MOB3B: variants seen among roughly 807,000 people sequenced by gnomAD.
MOB3B encodes the protein MOB kinase activator 3B.
A neutral mutation model predicts 18.7 loss-of-function variants in MOB3B; 7 were observed. The observed-to-expected ratio is 0.37, with a 90% CI of 0.21 to 0.70. The LOEUF is 0.70. Ranked by LOEUF, MOB3B falls within the 30% of genes least tolerant of loss-of-function variation. The pLI is 0.52. For synonymous variants in MOB3B, 111 were observed against 99.9 expected (o/e 1.11, Z -0.66); for missense variants, 253 against 281.3 (o/e 0.90, Z 0.72).
At chr9:27,401,963 C>A (rs1476967259) in intron 2 of MOB3B, among the ~76,000 whole-genome samples, 1 of 152,132 alleles carries the variant, frequency 6.6e-6, no homozygotes, top group East Asian at 1.9e-4. Flanking sequence ...GCATAATGTG[C>A]AGATATTTCT....
chr9:27,397,235 A>G (rs1172819957), intron 2 of MOB3B: 1 of 152,110 alleles, frequency 6.6e-6, no homozygotes, highest in African/African-American at 2.4e-5. Context: ...CCATAACTCA[A>G]TCGTTCCAAG....
chr9:27,405,795 A>G (rs1423078491), intron 2 of MOB3B, among the ~76,000 whole-genome samples: 7 of 152,222 alleles, frequency 4.6e-5, no homozygotes, highest in Non-Finnish European at 1.0e-4. Context: ...TACATGTGAT[A>G]CATCATACCA....
At chr9:27,419,060 C>CAAA (rs567613310) in intron 2 of MOB3B, among the ~76,000 whole-genome samples, 1,770 of 123,748 alleles carry the variant, frequency 0.014, 44 homozygotes, top group African/African-American at 0.044. Context: ...ACGATAGCTG[C>CAAA]AAAAAAAAAA....
chr9:27,528,446 G>T (rs534900476), intron 1 of MOB3B, among the ~76,000 whole-genome samples: 15 of 152,370 alleles, frequency 9.8e-5, no homozygotes, highest in African/African-American at 3.4e-4. Context: ...CCTGGGCTGA[G>T]ATCTGAGAAA....
intron 1 of MOB3B, among the ~76,000 whole-genome samples, chr9:27,492,042 A>T: frequency 6.6e-6 from 1 of 152,218 alleles, no homozygotes; most frequent in Admixed American, 6.5e-5. Context: ...TGTAGTGAAG[A>T]AGAAAGAATT....
rs191192809 is a variant in MOB3B, at chr9:27,364,101, G to A, written c.419-4865C>T. Among the ~76,000 whole-genome samples, 47 of 152,292 alleles carry A rather than the reference G, an allele frequency of 3.1e-4. No individual in the cohort carries two copies. The East Asian group carries it at 8.1e-3, about 26-fold the overall frequency. ...TGCTTGTGGAAGGAGCTCAAAAAAT[G>A]TTTGTTTTAAAAGAATCCAGCTCAG... On this transcript the variant is annotated intron_variant, in intron 2 of 3. Coordinates refer to ENST00000262244, the MANE Select transcript of MOB3B (RefSeq NM_024761.5).
chr9:27,468,326 C>T (rs979108916), intron 1 of MOB3B, among the ~76,000 whole-genome samples: 1 of 152,178 alleles, frequency 6.6e-6, no homozygotes. Flanking sequence ...TCCCATGCCC[C>T]TGTATGTGGC....
Position 27,370,508 on chromosome 9 carries a change from C to CAAA in MOB3B, c.419-11273_419-11272insTTT, listed in dbSNP as rs761033781. ...GGGCAACAAGAGTGAAACTCCATCT[C>CAAA]AGAAAAAAAAAAAAGAAAAAAAGAG... On this transcript the variant is annotated intron_variant, in intron 2 of 3. Transcript: ENST00000262244. Among the ~76,000 whole-genome samples the CAAA allele has an allele frequency of 5.2e-4, 43 of 82,654 alleles. 2 individuals are homozygous for CAAA. Among genetic ancestry groups the CAAA allele is most frequent in the African/African-American group, 1.1e-3 (22 of 19,412 alleles). 54.2% of individuals were successfully genotyped at this position (82,654 alleles called of 152,430 possible). A position where few individuals can be genotyped will look rare whatever the true frequency, so the allele number is the denominator to read the frequency against.
chr9:27,439,867 C>T (rs889370887), intron 2 of MOB3B, among the ~76,000 whole-genome samples: 3 of 152,108 alleles, frequency 2.0e-5, no homozygotes, highest in Non-Finnish European at 4.4e-5. Context: ...ACATTTGTAA[C>T]CTCTCCGAGG....
At chr9:27,492,850 C>T (rs1819841494) in intron 1 of MOB3B, among the ~76,000 whole-genome samples, 1 of 152,118 alleles carries the variant, frequency 6.6e-6, no homozygotes, top group Admixed American at 6.5e-5. Flanking sequence ...CAAAGCAATC[C>T]TGCATTTAAA....
At chr9:27,338,035 A>C (rs1437665931) in intron 3 of MOB3B, among the ~76,000 whole-genome samples, 2 of 152,116 alleles carry the variant, frequency 1.3e-5, no homozygotes, top group African/African-American at 2.4e-5. Context: ...TGGTGTCCTC[A>C]ACAGCACTGG....
chr9:27,392,827 G>A (rs1466652548), intron 2 of MOB3B, among the ~76,000 whole-genome samples: 1 of 152,192 alleles, frequency 6.6e-6, no homozygotes, highest in Non-Finnish European at 1.5e-5. Context: ...ATAAAATAAA[G>A]ATAATCATCG....
chr9:27,356,584 T>C (rs1821193053), intron 3 of MOB3B, among the ~76,000 whole-genome samples: 1 of 152,218 alleles, frequency 6.6e-6, no homozygotes, highest in Non-Finnish European at 1.5e-5. Flanking sequence ...AAAGGAGAAA[T>C]TGACTTTCAG....
chr9:27,479,680 T>G (rs983984106), intron 1 of MOB3B, among the ~76,000 whole-genome samples: 2 of 152,138 alleles, frequency 1.3e-5, no homozygotes, highest in African/African-American at 2.4e-5. Context: ...ATAAACAACT[T>G]GAAACTAAAA....
intron 3 of MOB3B, among the ~76,000 whole-genome samples, chr9:27,340,576 C>G (rs1229972892): frequency 6.6e-6 from 1 of 152,098 alleles, no homozygotes; most frequent in East Asian, 1.9e-4. Flanking sequence ...AGCCCCGCAG[C>G]CCACCCCTCA....
intron 2 of MOB3B, among the ~76,000 whole-genome samples, chr9:27,442,026 A>G (rs1822602161): frequency 6.6e-6 from 1 of 152,220 alleles, no homozygotes; most frequent in African/African-American, 2.4e-5. Context: ...AGATTTGTGA[A>G]GAGTAAAACA....
intron 2 of MOB3B, among the ~76,000 whole-genome samples, chr9:27,441,854 T>C (rs750650328): frequency 6.6e-6 from 1 of 152,182 alleles, no homozygotes; most frequent in Non-Finnish European, 1.5e-5. Context: ...CTCAGTGTTG[T>C]ATGGATCCCT....
rs3739531 is a variant in MOB3B at position 27,328,966 on chromosome 9, C to T, written c.*1621G>A. The T allele has an allele frequency of 0.81, 124,310 of 152,594 alleles. 50,674 individuals carry two copies. The highest frequency in any genetic ancestry group is 0.86 in the East Asian group (4,478 of 5,184). 9.5% of individuals were successfully genotyped at this position (152,594 alleles called of 1,614,324 possible). ...ATTGGATTCCGTGAGATGACCTTTA[C>T]GAGACACAAAGCAAGGTTCAGGCTG... is the stretch of plus-strand genomic sequence containing the variant. On this transcript the variant is annotated 3_prime_UTR_variant, in exon 4 of 4. Coordinates refer to ENST00000262244, the MANE Select transcript of MOB3B (RefSeq NM_024761.5).
At chr9:27,485,925 G>C (rs1005449209) in intron 1 of MOB3B, among the ~76,000 whole-genome samples, 1 of 152,202 alleles carries the variant, frequency 6.6e-6, no homozygotes, top group African/African-American at 2.4e-5. Context: ...TTTACAAAGA[G>C]AGTCAAAAAT....
Sources: gnomAD v4.1 joint callset for allele counts (sites outside exome capture counted in the v4.1 genomes callset) on GRCh38, gnomAD v4.1.1 for gene constraint, MANE v1.5 for transcripts, NCBI Gene and HGNC (gene_info 2026-07-23, HGNC 2026-07-21) for gene names.